The following USP8 variants were observed in gnomAD, a reference collection of about 807,000 sequenced individuals.
The protein encoded by USP8 is ubiquitin specific peptidase 8.
Under a neutral mutation model 130.0 loss-of-function variants are expected in USP8, and 27 were observed. That is an observed-to-expected ratio of 0.21 (90% confidence interval 0.15 to 0.29). The LOEUF is 0.29. Among genes scored for constraint, USP8 ranks in the 10% least tolerant of loss-of-function variants. The pLI is 1.00. For missense variants in USP8, 1,029 were observed against 1,312.2 expected, an observed-to-expected ratio of 0.78 and a Z score of 3.33; for synonymous variants, 392 against 444.1, an observed-to-expected ratio of 0.88 and a Z score of 1.48.
chr15:50,486,207 G>GT (rs2141311059), intron 12 of USP8, among the ~76,000 whole-genome samples: 1 of 152,264 alleles, frequency 6.6e-6, no homozygotes, highest in East Asian at 1.9e-4. Flanking sequence ...GGAAAAAAGG[G>GT]TATGGTTGCT....
chr15:50,496,966 A>T (rs10519278), intron 17 of USP8, 123 bp from the exon 18 acceptor site: 208,677 of 1,262,744 alleles, frequency 0.17, 19,206 homozygotes, highest in Admixed American at 0.3. Context: ...GAAGGCAGGA[A>T]CTCTTTTGTG....
At chr15:50,453,138 G>A (rs1255388767) in intron 4 of USP8, among the ~76,000 whole-genome samples, 1 of 152,230 alleles carries the variant, frequency 6.6e-6, no homozygotes, top group East Asian at 1.9e-4. Flanking sequence ...CAGTAAGCAA[G>A]GTCCTGCTGG....
chr15:50,454,785 C>A (rs2050739976), intron 4 of USP8, among the ~76,000 whole-genome samples: 1 of 151,806 alleles, frequency 6.6e-6, no homozygotes, highest in Non-Finnish European at 1.5e-5. Flanking sequence ...ACTCTTTCAT[C>A]CTTTTTTTCT....
chr15:50,490,068 G>A (rs1015800594), intron 13 of USP8, among the ~76,000 whole-genome samples, 187 bp downstream of exon 13: 4 of 152,122 alleles, frequency 2.6e-5, no homozygotes, highest in Non-Finnish European at 5.9e-5. Context: ...TACAATATAT[G>A]AGCATTCTGG....
chr15:50,451,311 T>G (rs1262852490), intron 4 of USP8, among the ~76,000 whole-genome samples: 1 of 152,144 alleles, frequency 6.6e-6, no homozygotes, highest in Non-Finnish European at 1.5e-5. Flanking sequence ...CTCAGGAGGC[T>G]GAGGCAGGAG....
intron 10 of USP8, among the ~76,000 whole-genome samples, chr15:50,480,040 C>T (rs943025612): frequency 2.6e-5 from 4 of 152,126 alleles, no homozygotes; most frequent in African/African-American, 7.2e-5. Context: ...GTATTACAGG[C>T]GTGAGTCACT....
intron 16 of USP8, among the ~76,000 whole-genome samples, chr15:50,495,491 G>GC (rs897940986): frequency 6.7e-6 from 1 of 148,790 alleles, no homozygotes; most frequent in South Asian, 2.2e-4. Context: ...ATTGGAGGGG[G>GC]GGGTCTCACT....
chr15:50,473,274 C>G (rs370361437), intron 8 of USP8, among the ~76,000 whole-genome samples: 11 of 152,238 alleles, frequency 7.2e-5, no homozygotes, highest in Middle Eastern at 3.4e-3. Flanking sequence ...AAGTTTCTTA[C>G]ATAAAATGGT....
At chr15:50,487,860 T>C (rs2052020044) in intron 12 of USP8, among the ~76,000 whole-genome samples, 1 of 152,188 alleles carries the variant, frequency 6.6e-6, no homozygotes, top group Non-Finnish European at 1.5e-5. Context: ...AGGGCAGTGT[T>C]TTTAAAATCC....
rs1178952614 is a variant in USP8 at position 50,490,339 on chromosome 15, T to C, written c.2048T>C (p.Met683Thr). The change falls in exon 14 of 20, where the codon ATG (methionine) becomes ACG (threonine). Residue 683 changes from methionine to threonine, a missense_variant. Met to Thr is a moderately conservative substitution (Grantham distance 81). Transcript: ENST00000307179. The stretch of plus-strand genomic sequence containing the variant: ...ACTGTTCATATGTACCCACCGGAAA[T>C]GGCTCCTTCATCTGCACCTCCTTCC... ...TNTVHMYPPE[M>T]APSSAPPSTP... is the part of the protein sequence containing the mutation. 6.2e-7 allele frequency: 1 copy of C among 1,613,828 alleles called. No individual in the cohort carries two copies. Among genetic ancestry groups the C allele is most frequent in the Non-Finnish European group, 8.5e-7 (1 of 1,179,950 alleles).
At chr15:50,494,634 G>A (rs1277728783) in intron 16 of USP8, among the ~76,000 whole-genome samples, 1 of 152,194 alleles carries the variant, frequency 6.6e-6, no homozygotes. Flanking sequence ...ATATGTATAT[G>A]TTATTGTACA....
chr15:50,438,570 G>A (rs943444473), intron 1 of USP8, among the ~76,000 whole-genome samples: 9 of 152,116 alleles, frequency 5.9e-5, no homozygotes, highest in African/African-American at 2.2e-4. Flanking sequence ...GGGTGACAGG[G>A]TGAGACCCTA....
At position 50,499,973 on chromosome 15, in the gene USP8, G is replaced by T. The variant is rs902129807; in HGVS notation, c.*885G>T. The T allele has an allele frequency of 1.3e-5, 2 of 152,126 alleles. No individual in the cohort carries two copies. Among genetic ancestry groups the T allele is most frequent in the Non-Finnish European group, 2.9e-5 (2 of 68,014 alleles). 9.4% of individuals were successfully genotyped at this position (152,126 alleles called of 1,614,324 possible). On this transcript the variant is annotated 3_prime_UTR_variant, in exon 20 of 20. Transcript: ENST00000307179. The stretch of plus-strand genomic sequence containing the variant: ...CGGGAGTCAGGCATGATTGCAAAGT[G>T]AACTGCATTATAAACTACATCTTTA...
intron 3 of USP8, among the ~76,000 whole-genome samples, chr15:50,448,570 A>G (rs1002695838): frequency 6.6e-5 from 10 of 150,748 alleles, no homozygotes; most frequent in Non-Finnish European, 1.3e-4. Flanking sequence ...CCCAGGCTGG[A>G]GTGCAGTGGC....
In USP8 at chr15:50,446,349, T is replaced by C. The variant is rs192930225; in HGVS notation, c.250-3051T>C. Among the ~76,000 whole-genome samples the C allele has an allele frequency of 2.6e-5, 4 of 152,120 alleles. No homozygotes were observed. The East Asian group carries it at 7.7e-4, about 29-fold the overall frequency. On this transcript the variant is annotated intron_variant, in intron 3 of 19. Transcript: ENST00000307179. ...CTAATATTAGGGGAATGTCTGATAG[T>C]GTGTAACAGACATGCCCAACCATAA... is the stretch of plus-strand genomic sequence containing the variant.
chr15:50,464,746 C>T (rs890175070), intron 6 of USP8, among the ~76,000 whole-genome samples: 1 of 152,108 alleles, frequency 6.6e-6, no homozygotes, highest in Non-Finnish European at 1.5e-5. Flanking sequence ...CCCAGCTACT[C>T]AGGAGGCTGA....
In USP8 at chr15:50,458,954, C is replaced by T. The variant is rs754034519; in HGVS notation, c.336-46C>T. On this transcript the variant is annotated intron_variant, in intron 4 of 19. Transcript: ENST00000307179. Reference sequence around the variant, plus strand: ...AGAACTGAAACTCCTTTAATTTCCACGATTAACGCCAATAAAAGACAATCT... The same window carrying T: ...AGAACTGAAACTCCTTTAATTTCCATGATTAACGCCAATAAAAGACAATCT... 12 of 1,603,742 alleles carry T rather than the reference C, an allele frequency of 7.5e-6. No individual in the cohort carries two copies. In the South Asian group the frequency reaches 7.8e-5, roughly 10 times the overall value.
intron 1 of USP8, among the ~76,000 whole-genome samples, chr15:50,437,881 T>C (rs2050136279): frequency 6.6e-6 from 1 of 152,210 alleles, no homozygotes; most frequent in Non-Finnish European, 1.5e-5. Flanking sequence ...GTGTAGAAAA[T>C]GTTTGTATAT....
At position 50,446,157 on chromosome 15, in the gene USP8, G is replaced by A. The variant is rs542368715; in HGVS notation, c.250-3243G>A. On this transcript the variant is annotated intron_variant, in intron 3 of 19. Coordinates refer to ENST00000307179, the MANE Select transcript of USP8 (RefSeq NM_005154.5). ...TTGAATTCATATATTCAGGAATCAG[G>A]AAAGTTCTGGTAAACCTCAGAAGCA... 2.6e-5 allele frequency among the ~76,000 whole-genome samples: 4 copies of A among 152,266 alleles called. No individual in the cohort carries two copies. The East Asian group carries it at 5.8e-4, about 22-fold the overall frequency.
Sources: gnomAD v4.1 joint callset for allele counts (sites outside exome capture counted in the v4.1 genomes callset) on GRCh38, gnomAD v4.1.1 for gene constraint, MANE v1.5 for transcripts, NCBI Gene and HGNC (gene_info 2026-07-23, HGNC 2026-07-21) for gene names.